Variants in FNTA observed in about 807,000 individuals in gnomAD.
The protein encoded by FNTA is farnesyltransferase, CAAX box, subunit alpha.
Under a neutral mutation model 55.2 loss-of-function variants are expected in FNTA, and 27 were observed. The ratio of observed to expected loss-of-function variants is 0.49; its 90% CI spans 0.36 to 0.67. The LOEUF is 0.67. Among genes scored for constraint, FNTA ranks in the 30% least tolerant of loss-of-function variants. The pLI, the probability that FNTA is intolerant of heterozygous loss-of-function variation, is 0.00. For missense variants in FNTA, 422 were observed against 464.7 expected (o/e 0.91, Z 0.85); for synonymous variants, 176 against 170.7 (o/e 1.03, Z -0.24).
Position 43,085,266 on chromosome 8 carries a change from C to T in FNTA, c.1124C>T (p.Thr375Ile). The T allele has an allele frequency of 2.5e-6, 4 of 1,607,552 alleles. No homozygotes were observed. The highest frequency in any genetic ancestry group is 3.4e-6 in the Non-Finnish European group (4 of 1,178,852). ...CACAGCACAGAAAATGACTCACCAA[C>T]AAATGTACAGCAATAACACCATCCA... is the stretch of plus-strand genomic sequence containing the variant. ...SKHSTENDSP[T>I]NVQQ The change falls in exon 9 of 9, where the codon ACA becomes ATA. Residue 375 changes from threonine to isoleucine, a missense_variant. Coordinates refer to ENST00000302279, the MANE Select transcript of FNTA (RefSeq NM_002027.3).
At chr8:43,070,809 A>G (rs1483059217) in intron 4 of FNTA, among the ~76,000 whole-genome samples, 2 of 152,272 alleles carry the variant, frequency 1.3e-5, no homozygotes, top group African/African-American at 4.8e-5. Flanking sequence ...AACTTATGCT[A>G]TAACATAAAG....
intron 2 of FNTA, among the ~76,000 whole-genome samples, chr8:43,062,238 A>G (rs1222024677): frequency 6.6e-6 from 1 of 151,194 alleles, no homozygotes; most frequent in Non-Finnish European, 1.5e-5. Context: ...TTGTATACAT[A>G]TTTAATATGT....
Position 43,069,646 on chromosome 8 carries a change from A to T in FNTA, c.493A>T (p.Asn165Tyr). 6.2e-7 allele frequency: 1 copy of T among 1,610,286 alleles called. No homozygotes were observed. The highest frequency in any genetic ancestry group is 8.5e-7 in the Non-Finnish European group (1 of 1,176,940). The change falls in exon 4 of 9, where the codon AAC becomes TAC. Residue 165 changes from asparagine (N) to tyrosine (Y), a missense_variant. Transcript: ENST00000302279. ...ITAIIEEQPK[N>Y]YQVWHHRRVL... ...TGCAATAATTGAGGAGCAGCCCAAA[A>T]ACTATCAAGTTTGGTAAGTTTGGAG...
chr8:43,058,626 T>C (rs910174317), intron 1 of FNTA, among the ~76,000 whole-genome samples: 1 of 151,892 alleles, frequency 6.6e-6, no homozygotes, highest in Non-Finnish European at 1.5e-5. Flanking sequence ...AAAAATTAGC[T>C]GGGCTTGGTG....
chr8:43,066,553 C>G (rs984896922), intron 3 of FNTA, among the ~76,000 whole-genome samples: 1 of 150,884 alleles, frequency 6.6e-6, no homozygotes, highest in Non-Finnish European at 1.5e-5. Context: ...GCCACCTTGC[C>G]TGGCCTGAAT....
intron 3 of FNTA, among the ~76,000 whole-genome samples, chr8:43,066,587 C>CGT (rs34748037): frequency 0.063 from 9,433 of 148,614 alleles, 304 homozygotes; most frequent in South Asian, 0.081. Context: ...TAGCATCGTT[C>CGT]GTGTGTGTGT....
At position 43,058,700 on chromosome 8, in the gene FNTA, C is replaced by G. The variant is rs540233617; in HGVS notation, c.201-392C>G. 3.3e-5 allele frequency among the ~76,000 whole-genome samples: 5 copies of G among 152,170 alleles called. No individual in the cohort carries two copies. In the East Asian group the frequency reaches 9.6e-4, roughly 29 times the overall value. ...GCTGAGGCAGAAGAATTGGTTGAACCCAGGAGGCAGAGGTTGCAGTGAGCC... is the reference window on the plus strand; with the variant it reads ...GCTGAGGCAGAAGAATTGGTTGAACGCAGGAGGCAGAGGTTGCAGTGAGCC... On this transcript the variant is annotated intron_variant, in intron 1 of 8. Coordinates refer to ENST00000302279, the MANE Select transcript of FNTA (RefSeq NM_002027.3).
intron 7 of FNTA, among the ~76,000 whole-genome samples, chr8:43,084,217 C>CTT (rs965185730): frequency 2.8e-4 from 37 of 131,532 alleles, no homozygotes; most frequent in Middle Eastern, 3.8e-3. Context: ...TGTAATTATC[C>CTT]TTTTTTTTTT....
intron 5 of FNTA, among the ~76,000 whole-genome samples, chr8:43,075,435 A>C (rs1253986999): frequency 6.6e-6 from 1 of 151,336 alleles, no homozygotes; most frequent in African/African-American, 2.4e-5. Flanking sequence ...ATTATTTATA[A>C]GTTTTTTTTA....
chr8:43,059,644 T>C (rs923658006), intron 2 of FNTA, among the ~76,000 whole-genome samples: 15 of 152,222 alleles, frequency 9.9e-5, no homozygotes, highest in African/African-American at 3.6e-4. Flanking sequence ...AAATATTCTT[T>C]TGTAATGAAT....
At chr8:43,080,929 C>A (rs1000185007) in intron 6 of FNTA, 2 of 152,166 alleles carry the variant, frequency 1.3e-5, no homozygotes, top group African/African-American at 4.8e-5. Context: ...CAAATAGAAA[C>A]AGAAATAATT....
At chr8:43,067,643 C>CT (rs1337924826) in intron 3 of FNTA, among the ~76,000 whole-genome samples, 2 of 146,342 alleles carry the variant, frequency 1.4e-5, no homozygotes, top group East Asian at 2.0e-4. Context: ...TCTGGGAAGT[C>CT]TACTTTTTTT....
Position 43,056,532 on chromosome 8 carries a change from C to G in FNTA, c.186C>G (p.Ser62=), listed in dbSNP as rs141352327. 3,042 of 1,547,210 alleles carry G rather than the reference C, an allele frequency of 2.0e-3. 3 individuals are homozygous for G. The highest frequency in any genetic ancestry group is 2.3e-3 in the Non-Finnish European group (2,653 of 1,150,220). ...DDGFVSLDSP[S]YVLYRDRAEW... ...GGTTTGTGAGCCTGGACTCGCCCTC[C>G]TATGTCCTGTACAGGTAACGCCCCC... Residue 62 remains serine (S), a synonymous_variant, in exon 1 of 9, where the codon TCC becomes TCG. Transcript: ENST00000302279.
intron 4 of FNTA, among the ~76,000 whole-genome samples, chr8:43,071,424 A>T (rs1810788012): frequency 6.6e-6 from 1 of 151,936 alleles, no homozygotes. Flanking sequence ...TAATCCCAGC[A>T]CTTTAGGAGG....
chr8:43,077,094 C>T, intron 5 of FNTA, 122 bp from the exon 6 acceptor site: 1 of 577,216 alleles, frequency 1.7e-6, no homozygotes, highest in Non-Finnish European at 2.8e-6. Context: ...TCACTACCTT[C>T]TGAATTTGTG....
At chr8:43,073,857 A>T (rs1810850701) in intron 5 of FNTA, among the ~76,000 whole-genome samples, 1 of 152,196 alleles carries the variant, frequency 6.6e-6, no homozygotes, top group Non-Finnish European at 1.5e-5. Flanking sequence ...CCATACTTTC[A>T]GTAGTGTCAA....
At position 43,069,588 on chromosome 8, in the gene FNTA, G is replaced by C. The variant is rs769234919; in HGVS notation, c.435G>C (p.Gln145His). Residue 145 changes from glutamine (Q) to histidine (H), a missense_variant, in exon 4 of 9, where the codon CAG becomes CAC. By Grantham distance (24) the Gln-to-His change is conservative. Coordinates refer to ENST00000302279, the MANE Select transcript of FNTA (RefSeq NM_002027.3). ...HFRRVLLKSLQKDLHEEMNYI... is the reference protein window; with the variant it reads ...HFRRVLLKSLHKDLHEEMNYI... ...GGAGAGTTCTTTTGAAGTCACTTCA[G>C]AAGGATCTACATGAGGAAATGAACT... The C allele has an allele frequency of 6.2e-7, 1 of 1,613,254 alleles. No homozygotes were observed. The highest frequency in any genetic ancestry group is 8.5e-7 in the Non-Finnish European group (1 of 1,179,272).
At chr8:43,064,285 C>T (rs1407389183) in intron 3 of FNTA, 70 bp downstream of exon 3, 2 of 979,342 alleles carry the variant, frequency 2.0e-6, no homozygotes. Context: ...TTTTTTTAAA[C>T]TGTACTTTAA....
intron 1 of FNTA, among the ~76,000 whole-genome samples, chr8:43,057,956 CAAAA>C (rs71550440): frequency 2.9e-5 from 2 of 69,378 alleles, no homozygotes; most frequent in African/African-American, 5.3e-5. Flanking sequence ...GACTCCATCT[CAAAA>C]AAAAAAAAAA....
Sources: allele counts gnomAD v4.1 joint callset (sites outside exome capture counted in the v4.1 genomes callset), GRCh38; gene constraint gnomAD v4.1.1; transcripts MANE v1.5; gene names NCBI Gene and HGNC (gene_info 2026-07-23, HGNC 2026-07-21).